PCDHGA6: variants seen among roughly 807,000 people sequenced by gnomAD.
PCDHGA6 encodes protocadherin gamma-A6.
PCDHGA6 carries 41 observed loss-of-function variants against 60.6 expected under a neutral mutation model. The ratio of observed to expected loss-of-function variants is 0.68; its 90% CI spans 0.53 to 0.88. The LOEUF is 0.88. Among genes scored for constraint, PCDHGA6 ranks in the 40% least tolerant of loss-of-function variants. The pLI is 0.00. For synonymous variants in PCDHGA6, 594 were observed against 524.4 expected, an observed-to-expected ratio of 1.13 and a Z score of -1.81; for missense variants, 1,312 against 1,203.0, an observed-to-expected ratio of 1.09 and a Z score of -1.34.
chr5:141,431,411 G>A lies in PCDHGA6; in HGVS notation c.2424+54904G>A. On this transcript the variant is annotated intron_variant, in intron 1 of 3. Coordinates refer to ENST00000517434, the MANE Select transcript of PCDHGA6 (RefSeq NM_018919.3). This position sits in a 1 kb window ranked among gnomAD's most constrained non-coding sequence, Gnocchi z 4.8. ...CCTGGTCCTTACGGCCTCCGACGGG[G>A]GCGACCCGGTGCGCACAGGCACCGC... 3 of 1,613,728 alleles carry A rather than the reference G, an allele frequency of 1.9e-6. No individual in the cohort carries two copies. The highest frequency in any genetic ancestry group is 2.5e-6 in the Non-Finnish European group (3 of 1,180,038).
At chr5:141,414,473 G>T (rs371832510) in intron 1 of PCDHGA6, 1 of 1,613,908 alleles carries the variant, frequency 6.2e-7, no homozygotes, top group Non-Finnish European at 8.5e-7. Flanking sequence ...GATGGGGGAA[G>T]TCCTCCTCTA....
rs200349213 is a variant in PCDHGA6 at position 141,425,728 on chromosome 5, GGAT to G, written c.2424+49223_2424+49225del. Among the ~76,000 whole-genome samples the G allele has an allele frequency of 9.8e-4, 149 of 152,196 alleles. 2 individuals carry two copies. In the East Asian group the frequency reaches 0.027, roughly 28 times the overall value. ...AAAATTTTCCCATACCACTTGATGG[GGAT>G]GTTTTCCCACAAGGTTTTTGTTCTA... On this transcript the variant is annotated intron_variant, in intron 1 of 3. Transcript: ENST00000517434.
intron 1 of PCDHGA6, chr5:141,421,393 G>A: frequency 6.2e-7 from 1 of 1,614,038 alleles, no homozygotes; most frequent in Non-Finnish European, 8.5e-7. Flanking sequence ...CCTGGGGCTG[G>A]AGCCCCGGGA....
At chr5:141,377,245 G>C (rs376774075) in intron 1 of PCDHGA6, 1 of 151,350 alleles carries the variant, frequency 6.6e-6, no homozygotes, top group South Asian at 2.1e-4. Context: ...TGTGACATTT[G>C]TAAGGTTCTT....
chr5:141,378,227 A>G (rs1774726852), intron 1 of PCDHGA6: 1 of 152,200 alleles, frequency 6.6e-6, no homozygotes, highest in Non-Finnish European at 1.5e-5. Flanking sequence ...GCCTGATAGT[A>G]TTTAAGAGTG....
chr5:141,388,809 G>A lies in PCDHGA6; in HGVS notation c.2424+12302G>A, dbSNP rs771582173. The A allele has an allele frequency of 1.2e-6, 2 of 1,613,930 alleles. No individual in the cohort carries two copies. Among genetic ancestry groups the A allele is most frequent in the Non-Finnish European group, 1.7e-6 (2 of 1,179,838 alleles). ...TGTTTTAAATACATTAGATTTTGAA[G>A]AAGTCAAAGAATATTCCATAGTTTT... is the stretch of plus-strand genomic sequence containing the variant. On this transcript the variant is annotated intron_variant, in intron 1 of 3. Transcript: ENST00000517434.
At chr5:141,385,897 T>G (rs1239530596) in intron 1 of PCDHGA6, 1 of 152,628 alleles carries the variant, frequency 6.6e-6, no homozygotes, top group East Asian at 1.9e-4. Flanking sequence ...GAAATGTGTG[T>G]GTATCACACT....
intron 1 of PCDHGA6, chr5:141,430,769 G>T: frequency 6.6e-7 from 1 of 1,508,212 alleles, no homozygotes; most frequent in Non-Finnish European, 8.9e-7. Context: ...AATGATTCCT[G>T]CGCGACTGCA....
Position 141,431,474 on chromosome 5 carries a change from G to C in PCDHGA6, c.2424+54967G>C. On this transcript the variant is annotated intron_variant, in intron 1 of 3. Coordinates refer to ENST00000517434, the MANE Select transcript of PCDHGA6 (RefSeq NM_018919.3). The surrounding 1 kb of genome is among the most constrained non-coding windows in gnomAD (Gnocchi z 4.8). The stretch of plus-strand genomic sequence containing the variant: ...GATGGTTCTGGATGCGAACGACAAC[G>C]CACCAGCGTTTGCTCAGCCCGAGTA... 6.2e-7 allele frequency: 1 copy of C among 1,613,842 alleles called. No individual in the cohort carries two copies. The highest frequency in any genetic ancestry group is 8.5e-7 in the Non-Finnish European group (1 of 1,179,958).
chr5:141,480,413 T>C (rs1478520852), intron 1 of PCDHGA6, among the ~76,000 whole-genome samples: 2 of 135,292 alleles, frequency 1.5e-5, no homozygotes, highest in African/African-American at 3.0e-5. Context: ...AGACCCTGTC[T>C]CAAAAAAAAA....
intron 1 of PCDHGA6, chr5:141,421,722 G>C: frequency 6.2e-7 from 1 of 1,613,972 alleles, no homozygotes; most frequent in Non-Finnish European, 8.5e-7. Flanking sequence ...ATGTGGGCGT[G>C]AACTCCCTCC....
At chr5:141,456,821 A>G (rs1432134342) in intron 1 of PCDHGA6, among the ~76,000 whole-genome samples, 2 of 151,744 alleles carry the variant, frequency 1.3e-5, no homozygotes, top group Admixed American at 6.6e-5. Context: ...AAAATTAGCC[A>G]TCGTGGTAGT....
intron 1 of PCDHGA6, chr5:141,383,409 C>A (rs199780721): frequency 4.3e-6 from 7 of 1,613,892 alleles, no homozygotes; most frequent in Non-Finnish European, 5.9e-6. Flanking sequence ...TCCAGAGTTA[C>A]CAGCTCAGCC....
rs779718690 is a variant in PCDHGA6, at chr5:141,421,727, C to G, written c.2424+45220C>G. ...AGGGATCCAGATGTGGGCGTGAACT[C>G]CCTCCAGAGCTACCAGCTCAGCCCT... On this transcript the variant is annotated intron_variant, in intron 1 of 3. Coordinates refer to ENST00000517434, the MANE Select transcript of PCDHGA6 (RefSeq NM_018919.3). The G allele has an allele frequency of 1.9e-6, 3 of 1,613,916 alleles. No individual in the cohort carries two copies. In the East Asian group the frequency reaches 6.7e-5, roughly 36 times the overall value.
chr5:141,448,639 T>A (rs1248697237), intron 1 of PCDHGA6, among the ~76,000 whole-genome samples: 1 of 152,148 alleles, frequency 6.6e-6, no homozygotes, highest in Admixed American at 6.6e-5. Flanking sequence ...CATTATATCC[T>A]TTAAAAATAT....
At position 141,383,329 on chromosome 5, in the gene PCDHGA6, G is replaced by A. The variant is rs143729030; in HGVS notation, c.2424+6822G>A. 347 of 1,613,980 alleles carry A rather than the reference G, an allele frequency of 2.1e-4. 3 individuals are homozygous for A. The East Asian group carries it at 5.6e-3, about 26-fold the overall frequency. On this transcript the variant is annotated intron_variant, in intron 1 of 3. Transcript: ENST00000517434. ...GGAAGAAATAAATGTAAAAATAATG[G>A]AGAATACAGCTCCTGGGGTTCGGTT...
At chr5:141,456,214 G>C (rs552287407) in intron 1 of PCDHGA6, among the ~76,000 whole-genome samples, 8 of 152,136 alleles carry the variant, frequency 5.3e-5, no homozygotes, top group Non-Finnish European at 7.4e-5. Context: ...CCTCCCTGTG[G>C]CGATATCAAA....
intron 1 of PCDHGA6, chr5:141,411,443 G>A (rs780563062): frequency 6.6e-6 from 1 of 151,948 alleles, no homozygotes; most frequent in African/African-American, 2.4e-5. Context: ...CATTAGCAGA[G>A]TGTGGTAGCA....
At chr5:141,450,831 T>TATA (rs761717068) in intron 1 of PCDHGA6, among the ~76,000 whole-genome samples, 3 of 144,648 alleles carry the variant, frequency 2.1e-5, no homozygotes, top group Non-Finnish European at 4.5e-5. Flanking sequence ...TTATTATTAT[T>TATA]TTTTTTTTTT....
Sources: allele counts gnomAD v4.1 joint callset (sites outside exome capture counted in the v4.1 genomes callset), GRCh38; gene constraint gnomAD v4.1.1; non-coding constraint Gnocchi (gnomAD v3.1); transcripts MANE v1.5; gene names NCBI Gene and HGNC (gene_info 2026-07-23, HGNC 2026-07-21).